The following CSMD1 variants were observed in gnomAD, a reference collection of about 807,000 sequenced individuals.
The protein encoded by CSMD1 is CUB and Sushi multiple domains 1, also known as CUB and sushi domain-containing protein 1.
A neutral mutation model predicts 417.5 loss-of-function variants in CSMD1; 213 were observed. The observed-to-expected ratio is 0.51, with a 90% CI of 0.46 to 0.57. The LOEUF (loss-of-function observed/expected upper bound fraction) is 0.57. CSMD1 is among the 20% of genes least tolerant of loss of function. The pLI is 0.00. For missense variants in CSMD1, 6,923 were observed against 4,529.7 expected, an observed-to-expected ratio of 1.53 and a Z score of -15.17; for synonymous variants, 2,862 against 1,736.8, an observed-to-expected ratio of 1.65 and a Z score of -16.11.
At chr8:4,614,760 T>A (rs180992923) in intron 2 of CSMD1, among the ~76,000 whole-genome samples, 4 of 152,304 alleles carry the variant, frequency 2.6e-5, no homozygotes, top group South Asian at 2.1e-4. Flanking sequence ...TCACCTGAGA[T>A]AATAATTTAG....
chr8:4,044,867 C>G lies in CSMD1; in HGVS notation c.416-12768G>C, dbSNP rs1029181047. Among the ~76,000 whole-genome samples the G allele has an allele frequency of 3.9e-5, 6 of 152,366 alleles. No homozygotes were observed. The East Asian group carries it at 5.8e-4, about 15-fold the overall frequency. The stretch of plus-strand genomic sequence containing the variant: ...GTACCATGCTGGGGACTGCACCATC[C>G]TGAACTTTGCAGCCCTCAGGCCCAG... On this transcript the variant is annotated intron_variant, in intron 3 of 69. Transcript: ENST00000635120.
At chr8:2,962,379 G>T in intron 61 of CSMD1, 87 bp downstream of exon 61, 2 of 1,196,810 alleles carry the variant, frequency 1.7e-6, no homozygotes, top group South Asian at 1.5e-5. Flanking sequence ...CACTTTCTAT[G>T]TAATCACAAA....
chr8:3,907,737 C>A (rs1470954812), intron 5 of CSMD1, among the ~76,000 whole-genome samples: 1 of 152,160 alleles, frequency 6.6e-6, no homozygotes, highest in Non-Finnish European at 1.5e-5. Context: ...TGTGAGTAAT[C>A]TCAGACCTGC....
intron 1 of CSMD1, among the ~76,000 whole-genome samples, chr8:4,831,947 T>C (rs1800179373): frequency 6.6e-6 from 1 of 152,038 alleles, no homozygotes; most frequent in Admixed American, 6.6e-5. Context: ...AGATTTAAAA[T>C]TTTTGTCTGG....
chr8:4,411,085 C>G (rs1796628169), intron 3 of CSMD1, among the ~76,000 whole-genome samples: 1 of 152,060 alleles, frequency 6.6e-6, no homozygotes, highest in South Asian at 2.1e-4. Context: ...AAACCCAAGG[C>G]CCCCTCCACG....
chr8:3,268,044 G>T (rs1050394341), intron 26 of CSMD1, among the ~76,000 whole-genome samples: 1 of 152,046 alleles, frequency 6.6e-6, no homozygotes, highest in Non-Finnish European at 1.5e-5. Context: ...TATGAGGGAC[G>T]GGCCAATCTT....
chr8:3,182,753 G>C (rs1236266877), intron 36 of CSMD1, among the ~76,000 whole-genome samples: 3 of 139,730 alleles, frequency 2.1e-5, no homozygotes, highest in East Asian at 4.4e-4. Context: ...GAAGCTCTGT[G>C]TGTGTGTGTG....
chr8:3,585,550 A>G (rs150514831), intron 9 of CSMD1, among the ~76,000 whole-genome samples: 636 of 152,318 alleles, frequency 4.2e-3, no homozygotes, highest in South Asian at 0.013. Context: ...GAATTTGTGT[A>G]TACTTCATAG....
chr8:4,717,446 T>C (rs1051174571), intron 1 of CSMD1, among the ~76,000 whole-genome samples: 3 of 150,434 alleles, frequency 2.0e-5, no homozygotes, highest in Non-Finnish European at 2.9e-5. Context: ...ACTATATATA[T>C]ACACACACTA....
chr8:4,408,523 T>A (rs1377288262), intron 3 of CSMD1, among the ~76,000 whole-genome samples: 1 of 152,232 alleles, frequency 6.6e-6, no homozygotes, highest in African/African-American at 2.4e-5. Flanking sequence ...AAACAATTCT[T>A]GGACATAAAG....
chr8:4,327,564 G>A (rs765782511), intron 3 of CSMD1, among the ~76,000 whole-genome samples: 4 of 152,042 alleles, frequency 2.6e-5, no homozygotes, highest in East Asian at 1.9e-4. Context: ...CCTGTGGGGC[G>A]CTCATCACTG....
chr8:4,422,665 T>C (rs1228503436), intron 2 of CSMD1, among the ~76,000 whole-genome samples: 2 of 152,018 alleles, frequency 1.3e-5, no homozygotes, highest in Non-Finnish European at 2.9e-5. Flanking sequence ...CTGGAACTTA[T>C]AGTAGTTTGT....
intron 3 of CSMD1, among the ~76,000 whole-genome samples, chr8:4,269,317 G>C (rs1804423884): frequency 6.6e-6 from 1 of 152,042 alleles, no homozygotes. Flanking sequence ...ACCCGCACTG[G>C]CCTCCCCCAA....
chr8:3,999,257 G>C (rs951446033), intron 4 of CSMD1, among the ~76,000 whole-genome samples: 3 of 151,944 alleles, frequency 2.0e-5, no homozygotes, highest in Admixed American at 2.0e-4. Flanking sequence ...GTAAAAGTCA[G>C]CCTGTTACCA....
chr8:3,121,052 A>G (rs535302959), intron 41 of CSMD1, among the ~76,000 whole-genome samples: 4 of 152,018 alleles, frequency 2.6e-5, no homozygotes, highest in East Asian at 3.9e-4. Flanking sequence ...AAAGATGTTC[A>G]TTGCAGCATT....
At chr8:4,702,575 C>T (rs114973723) in intron 1 of CSMD1, among the ~76,000 whole-genome samples, 4 of 152,120 alleles carry the variant, frequency 2.6e-5, no homozygotes, top group Non-Finnish European at 4.4e-5. Flanking sequence ...TGAAAGGTTC[C>T]GTAGGAGAAC....
At chr8:2,957,010 A>G (rs1803062226) in intron 63 of CSMD1, among the ~76,000 whole-genome samples, 1 of 152,132 alleles carries the variant, frequency 6.6e-6, no homozygotes, top group Admixed American at 6.5e-5. Context: ...TTTTTATAAC[A>G]TTCTATTAAT....
At chr8:4,144,736 T>A (rs1394215415) in intron 3 of CSMD1, among the ~76,000 whole-genome samples, 3 of 151,106 alleles carry the variant, frequency 2.0e-5, no homozygotes, top group Non-Finnish European at 2.9e-5. Context: ...CTCTTCCAAC[T>A]TTCTAGAGAC....
chr8:4,688,862 G>T (rs1206911477), intron 1 of CSMD1, among the ~76,000 whole-genome samples: 2 of 152,184 alleles, frequency 1.3e-5, no homozygotes, highest in Non-Finnish European at 2.9e-5. Context: ...GGGAAATGAA[G>T]ATTGACATAA....
Sources: gnomAD v4.1 joint callset for allele counts (sites outside exome capture counted in the v4.1 genomes callset) on GRCh38, gnomAD v4.1.1 for gene constraint, MANE v1.5 for transcripts, NCBI Gene and HGNC (gene_info 2026-07-23, HGNC 2026-07-21) for gene names.